Variants in TRIM34 observed in about 807,000 individuals in gnomAD.
TRIM34 encodes tripartite motif containing 34.
Under a neutral mutation model 38.1 loss-of-function variants are expected in TRIM34, and 41 were observed. That is an observed-to-expected ratio of 1.08 (90% CI 0.84 to 1.40). TRIM34 has a LOEUF of 1.40. Among genes scored for constraint, TRIM34 ranks in the 40% most tolerant of loss-of-function variants. The pLI, the probability that TRIM34 is intolerant of heterozygous loss-of-function variation, is 0.00. For missense variants in TRIM34, 556 were observed against 571.4 expected, an observed-to-expected ratio of 0.97 and a Z score of 0.27; for synonymous variants, 200 against 202.5, an observed-to-expected ratio of 0.99 and a Z score of 0.10.
chr11:5,625,188 C>G (rs1014016963), intron 1 of TRIM34, 128 bp downstream of exon 1: 8 of 152,214 alleles, frequency 5.3e-5, no homozygotes, highest in African/African-American at 1.7e-4. Flanking sequence ...GGCTAGCTTG[C>G]AGGCTTCCTG....
intron 3 of TRIM34, 31 bp from the exon 4 acceptor site, chr11:5,634,600 T>TA: frequency 5.1e-6 from 8 of 1,581,322 alleles, no homozygotes; most frequent in Non-Finnish European, 6.0e-6. Flanking sequence ...CTGACAAACT[T>TA]ACTACAACTC....
At chr11:5,641,437 A>G in intron 5 of TRIM34, 1 of 985,140 alleles carries the variant, frequency 1.0e-6, no homozygotes, top group Non-Finnish European at 1.4e-6. Flanking sequence ...ATTAAGGATG[A>G]GAGCTTTTAC....
intron 4 of TRIM34, among the ~76,000 whole-genome samples, chr11:5,639,726 A>G (rs1486358485): frequency 6.9e-6 from 1 of 145,176 alleles, no homozygotes; most frequent in African/African-American, 2.5e-5. Context: ...GAGGTTGCCT[A>G]TAGGCGGTGG....
chr11:5,632,643 C>T lies in TRIM34; in HGVS notation c.312C>T (p.Leu104=), dbSNP rs770302373. ...RDLCDHHGEK[L]LLFCKEDRKV... ...TCTGTGATCATCATGGAGAGAAACT[C>T]CTACTCTTCTGTAAGGAGGATAGGA... Residue 104 remains leucine, a synonymous_variant, in exon 2 of 8, where the codon CTC becomes CTT. Coordinates refer to ENST00000429814, the MANE Select transcript of TRIM34 (RefSeq NM_021616.6). The T allele has an allele frequency of 1.2e-6, 2 of 1,612,838 alleles. No individual in the cohort carries two copies. The highest frequency in any genetic ancestry group is 3.3e-5 in the Admixed American group (2 of 59,788).
chr11:5,641,864 C>A (rs1027069609), intron 5 of TRIM34, among the ~76,000 whole-genome samples: 8 of 152,240 alleles, frequency 5.3e-5, no homozygotes, highest in African/African-American at 1.9e-4. Context: ...TTCTCCTTTG[C>A]CGAGTGTTCG....
chr11:5,640,433 C>T (rs1411586688), intron 4 of TRIM34, among the ~76,000 whole-genome samples: 1 of 151,934 alleles, frequency 6.6e-6, no homozygotes, highest in African/African-American at 2.4e-5. Flanking sequence ...TGGTATATTA[C>T]ATCAATTGAT....
Position 5,634,907 on chromosome 11 carries a change from C to T in TRIM34, c.750+46C>T, listed in dbSNP as rs535888165. On this transcript the variant is annotated intron_variant, in intron 4 of 7. Transcript: ENST00000429814. Reference sequence around the variant, plus strand: ...TGAGATTCTGGGAACACAGTTCCCTCCTGTGTCCTTGCGTTCTCATCCTGG... The same window carrying T: ...TGAGATTCTGGGAACACAGTTCCCTTCTGTGTCCTTGCGTTCTCATCCTGG... 714 of 1,581,786 alleles carry T rather than the reference C, an allele frequency of 4.5e-4. 17 individuals are homozygous for T. The South Asian group carries it at 7.6e-3, about 17-fold the overall frequency.
In TRIM34 at chr11:5,628,932, T is replaced by C. The variant is rs184922453; in HGVS notation, c.-77-3323T>C. Among the ~76,000 whole-genome samples, 87 of 152,246 alleles carry C rather than the reference T, an allele frequency of 5.7e-4. 1 individual carries two copies. Among genetic ancestry groups the C allele is most frequent in the African/African-American group, 2.0e-3 (83 of 41,544 alleles). ...GTGCTATTCCCATCTCTGCCTCTAC[T>C]GTCACATGGCTTTCTTTCCCGTGTG... On this transcript the variant is annotated intron_variant, in intron 1 of 7. Coordinates refer to ENST00000429814, the MANE Select transcript of TRIM34 (RefSeq NM_021616.6).
At chr11:5,642,865 A>G (rs1489127465) in intron 7 of TRIM34, 22 bp downstream of exon 7, 1 of 1,613,750 alleles carries the variant, frequency 6.2e-7, no homozygotes, top group East Asian at 2.2e-5. Context: ...TTAGTCTTTA[A>G]ATAACTGTTT....
upstream of TRIM34, among the ~76,000 whole-genome samples, chr11:5,622,444 CAAA>C (rs58936463): frequency 5.2e-5 from 6 of 116,422 alleles, no homozygotes; most frequent in Non-Finnish European, 3.6e-5. Context: ...GACTACCTCT[CAAA>C]AAAAAAAAAA....
intron 2 of TRIM34, among the ~76,000 whole-genome samples, chr11:5,632,996 T>C (rs1849552544): frequency 2.8e-4 from 1 of 3,636 alleles, no homozygotes; most frequent in Non-Finnish European, 8.5e-4. Context: ...CTGGCTAATT[T>C]TTTTTTTTTT....
chr11:5,639,452 G>A (rs988894726), intron 4 of TRIM34, among the ~76,000 whole-genome samples: 3 of 151,908 alleles, frequency 2.0e-5, no homozygotes, highest in Non-Finnish European at 2.9e-5. Flanking sequence ...AGACCGAAGA[G>A]GGCGGATCAT....
intron 5 of TRIM34, 106 bp downstream of exon 5, chr11:5,641,295 A>G: frequency 6.3e-7 from 1 of 1,581,308 alleles, no homozygotes; most frequent in Non-Finnish European, 8.6e-7. Flanking sequence ...CCAGAGTAGT[A>G]AAATTTGGAT....
chr11:5,634,863 T>C lies in TRIM34; in HGVS notation c.750+2T>C. The C allele has an allele frequency of 1.2e-6, 2 of 1,611,112 alleles. No homozygotes were observed. The highest frequency in any genetic ancestry group is 1.7e-6 in the Non-Finnish European group (2 of 1,178,236). On this transcript the variant is annotated splice_donor_variant, in intron 4 of 7. Transcript: ENST00000429814. LOFTEE classifies it high-confidence loss of function. The stretch of plus-strand genomic sequence containing the variant: ...TGGTCAACAATGGAGCTGCTGCAGG[T>C]AAGAAGGTTCGCTCAATCTGAGATT...
Position 5,642,401 on chromosome 11 carries a change from C to G in TRIM34, c.774-5C>G. The stretch of plus-strand genomic sequence containing the variant: ...TGGGGGTCAAAAAATTTTTTTCATC[C>G]CTAGGAGTGAGATCTGGAGGCTGAA... On this transcript the variant is annotated splice_polypyrimidine_tract_variant and splice_region_variant and intron_variant, in intron 5 of 7. Transcript: ENST00000429814. 1 of 1,611,146 alleles carries G rather than the reference C, an allele frequency of 6.2e-7. No individual in the cohort carries two copies. Among genetic ancestry groups the G allele is most frequent in the East Asian group, 2.2e-5 (1 of 44,840 alleles).
In TRIM34 at chr11:5,642,819, C is replaced by A; in HGVS notation, c.877C>A (p.Leu293Met). 6.2e-7 allele frequency: 1 copy of A among 1,613,988 alleles called. No homozygotes were observed. The highest frequency in any genetic ancestry group is 8.5e-7 in the Non-Finnish European group (1 of 1,179,948). The change falls in exon 7 of 8, where the codon CTG becomes ATG. Residue 293 changes from leucine (L) to methionine (M), a missense_variant and splice_region_variant. Coordinates refer to ENST00000429814, the MANE Select transcript of TRIM34 (RefSeq NM_021616.6). ...LSRMLQMFRE[L>M]TAVRCYWVDV... ...CACTGAATCTTTTATTATTTCAGAA[C>A]TGACAGCTGTCCGGTGCTACTGGGG...
At position 5,644,080 on chromosome 11, in the gene TRIM34, A is replaced by G. The variant is rs1198456153; in HGVS notation, c.*371A>G. ...ACCCCCATGACCACCACCAACATCA[A>G]CTAAAGGTTCTTGGAGGGTATGTCA... On this transcript the variant is annotated 3_prime_UTR_variant, in exon 8 of 8. Coordinates refer to ENST00000429814, the MANE Select transcript of TRIM34 (RefSeq NM_021616.6). The G allele has an allele frequency of 1.2e-5, 5 of 412,968 alleles. No homozygotes were observed. Among genetic ancestry groups the G allele is most frequent in the Non-Finnish European group, 2.1e-5 (5 of 235,616 alleles). The allele number at this position is 412,968 out of a possible 1,614,324, so 25.6% of individuals were successfully genotyped here. A position where few individuals can be genotyped will look rare whatever the true frequency, so the allele number is the denominator to read the frequency against.
At chr11:5,622,813 T>C (rs1278414805), upstream of TRIM34, among the ~76,000 whole-genome samples, 1 of 152,170 alleles carries the variant, frequency 6.6e-6, no homozygotes, top group East Asian at 1.9e-4. Flanking sequence ...TCAATCAATT[T>C]AGGAAGTTTA....
chr11:5,626,284 T>A (rs1050326575), intron 1 of TRIM34, among the ~76,000 whole-genome samples: 1 of 151,896 alleles, frequency 6.6e-6, no homozygotes, highest in Non-Finnish European at 1.5e-5. Flanking sequence ...GAAGCCTACA[T>A]CCAAATAGAA....
Sources: gnomAD v4.1 joint callset for allele counts (sites outside exome capture counted in the v4.1 genomes callset) on GRCh38, gnomAD v4.1.1 for gene constraint, MANE v1.5 for transcripts, NCBI Gene and HGNC (gene_info 2026-07-23, HGNC 2026-07-21) for gene names.